ADAMTS9: variants seen among roughly 807,000 people sequenced by gnomAD.
ADAMTS9 encodes the protein ADAM metallopeptidase with thrombospondin type 1 motif 9.
In ADAMTS9, 107 loss-of-function variants were observed where a neutral mutation model predicts 257.1. The ratio of observed to expected loss-of-function variants is 0.42; its 90% CI spans 0.36 to 0.49. The LOEUF (loss-of-function observed/expected upper bound fraction) is 0.49. ADAMTS9 is among the 20% of genes least tolerant of loss of function. The pLI, the probability that ADAMTS9 is intolerant of heterozygous loss-of-function variation, is 0.03. For missense variants in ADAMTS9, 2,353 were observed against 2,469.1 expected (o/e 0.95, Z 1.00); for synonymous variants, 982 against 880.9 (o/e 1.11, Z -2.03).
chr3:64,649,000 A>G (rs545699656), intron 10 of ADAMTS9, among the ~76,000 whole-genome samples: 9 of 152,274 alleles, frequency 5.9e-5, no homozygotes, highest in African/African-American at 2.2e-4. Context: ...AGAAACACAC[A>G]TACGCCACCC....
intron 36 of ADAMTS9, among the ~76,000 whole-genome samples, chr3:64,540,818 A>G (rs1027773472): frequency 6.6e-6 from 1 of 152,110 alleles, no homozygotes; most frequent in Non-Finnish European, 1.5e-5. Flanking sequence ...TCATTCATTC[A>G]TTCAGTTCAT....
intron 29 of ADAMTS9, among the ~76,000 whole-genome samples, chr3:64,567,327 T>C (rs1358348113): frequency 6.6e-6 from 1 of 152,208 alleles, no homozygotes; most frequent in Non-Finnish European, 1.5e-5. Flanking sequence ...CCATCGATTA[T>C]CTGGAGTCAT....
At chr3:64,537,882 G>A (rs1249125251) in intron 37 of ADAMTS9, among the ~76,000 whole-genome samples, 6 of 152,178 alleles carry the variant, frequency 3.9e-5, no homozygotes, top group African/African-American at 9.7e-5. Flanking sequence ...AAAGACTAAC[G>A]TCTGCTTTGC....
chr3:64,635,288 C>A (rs1272243775), intron 12 of ADAMTS9, among the ~76,000 whole-genome samples: 1 of 152,172 alleles, frequency 6.6e-6, no homozygotes, highest in Non-Finnish European at 1.5e-5. Flanking sequence ...CAGTTACAAG[C>A]TGGGGAGGGT....
At chr3:64,624,363 T>C (rs369744099) in intron 16 of ADAMTS9, among the ~76,000 whole-genome samples, 2 of 152,040 alleles carry the variant, frequency 1.3e-5, no homozygotes, top group African/African-American at 4.8e-5. Flanking sequence ...GATAGATACA[T>C]TAATTAGGTT....
chr3:64,657,838 A>G (rs1701119441), intron 4 of ADAMTS9, among the ~76,000 whole-genome samples: 1 of 152,160 alleles, frequency 6.6e-6, no homozygotes, highest in Non-Finnish European at 1.5e-5. Context: ...AGAGAATGAT[A>G]CTTAGTTTTT....
chr3:64,576,802 T>C (rs1459670108), intron 28 of ADAMTS9, among the ~76,000 whole-genome samples: 2 of 152,156 alleles, frequency 1.3e-5, no homozygotes, highest in East Asian at 3.9e-4. Flanking sequence ...AAGATTCACA[T>C]GTCAACTCTT....
chr3:64,518,764 ATTTTTTTTTTT>A (rs61286740), intron 39 of ADAMTS9, among the ~76,000 whole-genome samples: 1 of 65,292 alleles, frequency 1.5e-5, no homozygotes, highest in African/African-American at 5.0e-5. Context: ...TTACCTTTTC[ATTTTTTTTTTT>A]TTTTTTTTTT....
Position 64,602,228 on chromosome 3 carries a change from C to T in ADAMTS9, c.3748-15G>A. The T allele has an allele frequency of 1.2e-6, 2 of 1,611,594 alleles. No individual in the cohort carries two copies. The highest frequency in any genetic ancestry group is 2.2e-5 in the South Asian group (2 of 90,804). On this transcript the variant is annotated splice_polypyrimidine_tract_variant and intron_variant, in intron 25 of 39. Transcript: ENST00000498707. ...GTCACAGAGCACTAGGTTGAATGTT[C>T]AGAAAGAGAAAGGGTCAGTCATTTG...
At chr3:64,558,228 G>T (rs1036921) in intron 30 of ADAMTS9, among the ~76,000 whole-genome samples, 116,270 of 152,046 alleles carry the variant, frequency 0.76, 44,764 homozygotes, top group East Asian at 1. Flanking sequence ...GTGCCAGCGT[G>T]CAAGCTTCCG....
At chr3:64,531,141 AAGAG>A (rs1024486249) in intron 38 of ADAMTS9, among the ~76,000 whole-genome samples, 3 of 151,668 alleles carry the variant, frequency 2.0e-5, no homozygotes, top group South Asian at 2.1e-4. Context: ...TGAGATGGAG[AAGAG>A]AGAGAGTGAG....
intron 3 of ADAMTS9, among the ~76,000 whole-genome samples, chr3:64,673,536 C>T (rs184144384): frequency 6.6e-6 from 1 of 152,164 alleles, no homozygotes; most frequent in Admixed American, 6.5e-5. Context: ...TGAAAAGTTG[C>T]GTAAGAGACA....
intron 30 of ADAMTS9, 96 bp from the exon 31 acceptor site, chr3:64,551,158 A>C (rs763898356): frequency 2.9e-4 from 398 of 1,382,486 alleles, no homozygotes; most frequent in Non-Finnish European, 3.6e-4. Flanking sequence ...CTTTAAGATC[A>C]TAAGAGCCCT....
chr3:64,553,900 G>GT (rs894041086), intron 30 of ADAMTS9, among the ~76,000 whole-genome samples: 10 of 151,846 alleles, frequency 6.6e-5, no homozygotes, highest in East Asian at 5.8e-4. Context: ...GAAAAAAAGT[G>GT]TTTTTTTCAT....
chr3:64,538,516 T>G (rs2083078408), intron 37 of ADAMTS9, among the ~76,000 whole-genome samples: 1 of 151,988 alleles, frequency 6.6e-6, no homozygotes, highest in African/African-American at 2.4e-5. Flanking sequence ...CCAACTAATA[T>G]TTTGAAAAAG....
At chr3:64,600,051 C>CTTTTTTTTT (rs35753372) in intron 26 of ADAMTS9, among the ~76,000 whole-genome samples, 5 of 104,190 alleles carry the variant, frequency 4.8e-5, no homozygotes, top group Non-Finnish European at 5.8e-5. Context: ...AGTTTCTGTT[C>CTTTTTTTTT]TTTTTTTTTT....
intron 29 of ADAMTS9, among the ~76,000 whole-genome samples, chr3:64,564,431 G>A (rs761011695): frequency 4.6e-5 from 7 of 152,076 alleles, no homozygotes; most frequent in Non-Finnish European, 1.5e-5. Context: ...CTGAAATTAT[G>A]GTGATGACAT....
Position 64,686,538 on chromosome 3 carries a change from G to A in ADAMTS9, c.516+30C>T, listed in dbSNP as rs2107070012. 2 of 1,566,024 alleles carry A rather than the reference G, an allele frequency of 1.3e-6. No homozygotes were observed. The highest frequency in any genetic ancestry group is 1.7e-6 in the Non-Finnish European group (2 of 1,155,008). On this transcript the variant is annotated intron_variant, in intron 2 of 39. Coordinates refer to ENST00000498707, the MANE Select transcript of ADAMTS9 (RefSeq NM_182920.2). This position sits in a 1 kb window ranked among gnomAD's most constrained non-coding sequence, Gnocchi z 4.6. The stretch of plus-strand genomic sequence containing the variant: ...TCTAGAAGCGGGCGAGGAGGCGGAA[G>A]GGGAGAGGAGGTGGCGCGCGCCCAC...
chr3:64,668,890 G>C (rs908133156), intron 3 of ADAMTS9, among the ~76,000 whole-genome samples: 12 of 152,142 alleles, frequency 7.9e-5, no homozygotes, highest in African/African-American at 2.9e-4. Context: ...AGGCATCTAA[G>C]CAACTCGTAG....
Sources: gnomAD v4.1 joint callset for allele counts (sites outside exome capture counted in the v4.1 genomes callset) on GRCh38, gnomAD v4.1.1 for gene constraint, Gnocchi (gnomAD v3.1) non-coding constraint, MANE v1.5 for transcripts, NCBI Gene and HGNC (gene_info 2026-07-23, HGNC 2026-07-21) for gene names.